The following FBXW11 variants were observed in gnomAD, a reference collection of about 807,000 sequenced individuals.
The protein encoded by FBXW11 is F-box and WD repeat domain containing 11.
Under a neutral mutation model 77.6 loss-of-function variants are expected in FBXW11, and 19 were observed. That is an observed-to-expected ratio of 0.24 (90% CI 0.17 to 0.36). The LOEUF is 0.36. Ranked by LOEUF, FBXW11 falls within the 10% of genes least tolerant of loss-of-function variation. The pLI is 1.00. For synonymous variants in FBXW11, 235 were observed against 249.4 expected, an observed-to-expected ratio of 0.94 and a Z score of 0.54; for missense variants, 334 against 704.2, an observed-to-expected ratio of 0.47 and a Z score of 5.95.
At chr5:171,881,420 A>G (rs1334369709) in intron 7 of FBXW11, among the ~76,000 whole-genome samples, 2 of 152,212 alleles carry the variant, frequency 1.3e-5, no homozygotes, top group Non-Finnish European at 2.9e-5. Flanking sequence ...TTTATCACGA[A>G]AGAGTGTTCA....
At chr5:171,987,082 A>C (rs1330042571) in intron 1 of FBXW11, among the ~76,000 whole-genome samples, 1 of 152,184 alleles carries the variant, frequency 6.6e-6, no homozygotes, top group African/African-American at 2.4e-5. Flanking sequence ...GAATCCAGCT[A>C]ATGCCTGATG....
chr5:171,941,633 G>A (rs556450087), intron 2 of FBXW11, among the ~76,000 whole-genome samples: 11 of 151,378 alleles, frequency 7.3e-5, no homozygotes, highest in Admixed American at 5.3e-4. Context: ...AGAAGCATTC[G>A]GTCAGCTTTA....
At chr5:171,972,491 ACT>A (rs1764588750) in intron 1 of FBXW11, among the ~76,000 whole-genome samples, 1 of 101,166 alleles carries the variant, frequency 9.9e-6, no homozygotes, top group Non-Finnish European at 1.9e-5. Context: ...ACAGAGTGAG[ACT>A]CTGTCTCATA....
At position 171,861,886 on chromosome 5, in the gene FBXW11, T is replaced by G. The variant is rs140793343; in HGVS notation, c.*2241A>C. 6.6e-6 allele frequency: 1 copy of G among 152,636 alleles called. No homozygotes were observed. Among genetic ancestry groups the G allele is most frequent in the Non-Finnish European group, 1.5e-5 (1 of 68,040 alleles). 9.5% of individuals were successfully genotyped at this position (152,636 alleles called of 1,614,324 possible). ...ACATTAATATAGCAGTAATTTACAT[T>G]TGCTCAGTTATGGTTAGCAAAATAA... is the stretch of plus-strand genomic sequence containing the variant. On this transcript the variant is annotated 3_prime_UTR_variant, in exon 14 of 14. Transcript: ENST00000517395.
chr5:171,944,896 C>T (rs968159808), intron 2 of FBXW11, among the ~76,000 whole-genome samples: 23 of 152,154 alleles, frequency 1.5e-4, no homozygotes, highest in African/African-American at 4.8e-4. Context: ...TAATCCTAAC[C>T]AAGCTTAGAA....
In FBXW11 at chr5:171,998,618, G is replaced by A. The variant is rs575558972; in HGVS notation, c.45+7840C>T. Among the ~76,000 whole-genome samples the A allele has an allele frequency of 2.0e-5, 3 of 151,540 alleles. No individual in the cohort carries two copies. In the South Asian group the frequency reaches 6.3e-4, roughly 32 times the overall value. ...GTGAGGCCAGCCTGACCAACATGGT[G>A]AAACCCCATCTCTACTAAAAGTACA... On this transcript the variant is annotated intron_variant, in intron 1 of 13. Coordinates refer to ENST00000517395, the MANE Select transcript of FBXW11 (RefSeq NM_001378974.1).
chr5:171,979,838 C>T (rs983179997), intron 1 of FBXW11, among the ~76,000 whole-genome samples: 10 of 152,166 alleles, frequency 6.6e-5, no homozygotes, highest in African/African-American at 2.2e-4. Context: ...ACTGAACAAA[C>T]GAGACAGGGT....
At chr5:171,944,556 G>A (rs1375520876) in intron 2 of FBXW11, among the ~76,000 whole-genome samples, 13 of 112,130 alleles carry the variant, frequency 1.2e-4, no homozygotes, top group African/African-American at 1.7e-4. Flanking sequence ...CAGCCTGGGC[G>A]ACAGCGAGAC....
At chr5:171,995,708 G>A (rs980964791) in intron 1 of FBXW11, among the ~76,000 whole-genome samples, 4 of 151,328 alleles carry the variant, frequency 2.6e-5, no homozygotes, top group African/African-American at 4.9e-5. Context: ...AGTGGAGATC[G>A]CGCCACTGCA....
Position 171,996,709 on chromosome 5 carries a change from C to G in FBXW11, c.45+9749G>C, listed in dbSNP as rs572629299. 1.6e-4 allele frequency among the ~76,000 whole-genome samples: 24 copies of G among 152,246 alleles called. No homozygotes were observed. In the Middle Eastern group the frequency reaches 0.014, roughly 86 times the overall value. ...TAAAACAAAGTTTTTACCAGGAATTCAGACACATAGACCTTCACTGATCCA... is the reference window on the plus strand; with the variant it reads ...TAAAACAAAGTTTTTACCAGGAATTGAGACACATAGACCTTCACTGATCCA... On this transcript the variant is annotated intron_variant, in intron 1 of 13. Transcript: ENST00000517395.
chr5:171,981,289 C>A (rs1197799751), intron 1 of FBXW11, among the ~76,000 whole-genome samples: 1 of 152,150 alleles, frequency 6.6e-6, no homozygotes, highest in Non-Finnish European at 1.5e-5. Context: ...GCCCTACATA[C>A]CTCTTAGTCT....
chr5:171,978,371 A>C (rs1171873502), intron 1 of FBXW11, among the ~76,000 whole-genome samples: 1 of 152,194 alleles, frequency 6.6e-6, no homozygotes, highest in Non-Finnish European at 1.5e-5. Context: ...CACATATATA[A>C]GTTTTTTCAA....
chr5:171,944,042 A>G (rs1762877059), intron 2 of FBXW11, among the ~76,000 whole-genome samples: 1 of 152,210 alleles, frequency 6.6e-6, no homozygotes, highest in African/African-American at 2.4e-5. Context: ...GATGGTGATT[A>G]GCTTTTTGGA....
chr5:171,862,276 A>G lies in FBXW11; in HGVS notation c.*1851T>C, dbSNP rs550432329. 6.6e-6 allele frequency: 1 copy of G among 152,620 alleles called. No homozygotes were observed. The highest frequency in any genetic ancestry group is 2.4e-5 in the African/African-American group (1 of 41,444). 9.5% of individuals were successfully genotyped at this position (152,620 alleles called of 1,614,324 possible). On this transcript the variant is annotated 3_prime_UTR_variant, in exon 14 of 14. Transcript: ENST00000517395. ...GTTTATTGTTTACACTTTGAGACTC[A>G]ACCTCTCAAAAACATAAATTAATTT...
At chr5:171,888,094 A>T (rs896661911) in intron 7 of FBXW11, among the ~76,000 whole-genome samples, 1 of 152,132 alleles carries the variant, frequency 6.6e-6, no homozygotes, top group Admixed American at 6.5e-5. Flanking sequence ...AAAAAAAGAG[A>T]TCCCTGGGGG....
intron 1 of FBXW11, among the ~76,000 whole-genome samples, chr5:172,003,009 G>T (rs1199417740): frequency 6.6e-6 from 1 of 152,034 alleles, no homozygotes. Context: ...TCTTAATAAG[G>T]ATCAGTGTAT....
intron 2 of FBXW11, among the ~76,000 whole-genome samples, chr5:171,930,127 T>C (rs1166534449): frequency 6.6e-6 from 1 of 152,206 alleles, no homozygotes; most frequent in Non-Finnish European, 1.5e-5. Context: ...TAAAATCACA[T>C]TATGTATGAA....
intron 1 of FBXW11, among the ~76,000 whole-genome samples, chr5:171,979,352 C>T (rs1765021589): frequency 6.6e-6 from 1 of 152,008 alleles, no homozygotes. Context: ...TACATACATA[C>T]ATATGTACAT....
At chr5:171,998,809 A>AC (rs1397372683) in intron 1 of FBXW11, among the ~76,000 whole-genome samples, 1 of 151,850 alleles carries the variant, frequency 6.6e-6, no homozygotes, top group East Asian at 1.9e-4. Flanking sequence ...AAAAAAAAAA[A>AC]AAAAAAAGAC....
Sources: allele counts gnomAD v4.1 joint callset (sites outside exome capture counted in the v4.1 genomes callset), GRCh38; gene constraint gnomAD v4.1.1; transcripts MANE v1.5; gene names NCBI Gene and HGNC (gene_info 2026-07-23, HGNC 2026-07-21).